The following SMARCA2 variants were observed in gnomAD, a reference collection of about 807,000 sequenced individuals.
SMARCA2 encodes the protein SWI/SNF-related matrix-associated actin-dependent regulator of chromatin subfamily A member 2.
SMARCA2 carries 61 observed loss-of-function variants against 199.8 expected under a neutral mutation model. The observed-to-expected ratio is 0.31, with a 90% CI of 0.25 to 0.38. The LOEUF (loss-of-function observed/expected upper bound fraction) is 0.38, where lower values mean the gene tolerates loss of function less well. Among genes scored for constraint, SMARCA2 ranks in the 10% least tolerant of loss-of-function variants. SMARCA2 has a pLI of 1.00. For missense variants in SMARCA2, 1,344 were observed against 2,012.2 expected (o/e 0.67, Z 6.35); for synonymous variants, 935 against 732.0 (o/e 1.28, Z -4.48).
At chr9:2,144,023 G>C (rs1334203566) in intron 27 of SMARCA2, among the ~76,000 whole-genome samples, 1 of 152,040 alleles carries the variant, frequency 6.6e-6, no homozygotes, top group Non-Finnish European at 1.5e-5. Context: ...CAATAACCTA[G>C]TGCAATACAG....
chr9:2,059,888 A>G (rs745596382), intron 8 of SMARCA2, among the ~76,000 whole-genome samples: 5 of 152,264 alleles, frequency 3.3e-5, no homozygotes, highest in Middle Eastern at 3.4e-3. Context: ...GTGGCATTAC[A>G]TGATAAAAAT....
In SMARCA2 at chr9:2,182,230, G is replaced by C; in HGVS notation, c.4449G>C (p.Leu1483=). 6.2e-7 allele frequency: 1 copy of C among 1,610,032 alleles called. No individual in the cohort carries two copies. The highest frequency in any genetic ancestry group is 8.5e-7 in the Non-Finnish European group (1 of 1,176,410). The change falls in exon 31 of 34, where the codon CTG becomes CTC. Residue 1483 remains leucine (L), a synonymous_variant. Transcript: ENST00000349721. ...LLCHNAQTFN[L]EGSQIYEDSI... Reference sequence around the variant, plus strand: ...GTCACAACGCTCAGACGTTCAACCTGGAGGGATCCCAGGTCTGTCTTGTTA... The same window carrying C: ...GTCACAACGCTCAGACGTTCAACCTCGAGGGATCCCAGGTCTGTCTTGTTA...
intron 8 of SMARCA2, among the ~76,000 whole-genome samples, chr9:2,059,223 G>A (rs190226953): frequency 4.8e-4 from 73 of 152,278 alleles, no homozygotes; most frequent in African/African-American, 1.7e-3. Context: ...TATCTAGGAC[G>A]TAATGCCTGC....
At chr9:2,162,369 C>G (rs1199476271) in intron 28 of SMARCA2, among the ~76,000 whole-genome samples, 1 of 152,140 alleles carries the variant, frequency 6.6e-6, no homozygotes, top group Non-Finnish European at 1.5e-5. Flanking sequence ...CCTTCCAACA[C>G]TTGAATTTCT....
chr9:2,029,615 T>C (rs1055680874), intron 2 of SMARCA2, among the ~76,000 whole-genome samples: 3 of 152,206 alleles, frequency 2.0e-5, no homozygotes, highest in African/African-American at 7.2e-5. Flanking sequence ...ATACTGAAAA[T>C]TATTCTTTCC....
intron 23 of SMARCA2, among the ~76,000 whole-genome samples, chr9:2,105,233 A>ATT (rs550498507): frequency 3.2e-4 from 47 of 147,276 alleles, no homozygotes; most frequent in African/African-American, 1.1e-3. Flanking sequence ...GACAAACTTG[A>ATT]TTTTTTTTTT....
In SMARCA2 at chr9:2,110,440, C is replaced by A. The variant is rs115209527; in HGVS notation, c.3456+23C>A. On this transcript the variant is annotated intron_variant, in intron 24 of 33. Coordinates refer to ENST00000349721, the MANE Select transcript of SMARCA2 (RefSeq NM_003070.5). The surrounding 1 kb of genome is among the most constrained non-coding windows in gnomAD (Gnocchi z 4.8). The stretch of plus-strand genomic sequence containing the variant: ...CAGGTCTGCATGTCCCACTCAGGTG[C>A]CCAGGCCTCCCTCTGGAGAGCAACT... The A allele has an allele frequency of 1.9e-6, 3 of 1,554,498 alleles. No individual in the cohort carries two copies. The highest frequency in any genetic ancestry group is 2.6e-6 in the Non-Finnish European group (3 of 1,151,976).
chr9:2,115,881 G>T lies in SMARCA2; in HGVS notation c.3516G>T (p.Leu1172=). The change falls in exon 25 of 34, where the codon CTG becomes CTT. Residue 1172 remains leucine, a synonymous_variant. Transcript: ENST00000349721. The surrounding 1 kb of genome is among the most constrained non-coding windows in gnomAD (Gnocchi z 6.0). ...GGCAGCAGAACGAGGTCCGGGTACT[G>T]AGGCTCTGTACCGTGAACAGCGTGG... The part of the protein sequence containing the change: ...RIGQQNEVRV[L]RLCTVNSVEE... The T allele has an allele frequency of 6.2e-7, 1 of 1,614,118 alleles. No homozygotes were observed. Among genetic ancestry groups the T allele is most frequent in the Non-Finnish European group, 8.5e-7 (1 of 1,180,010 alleles).
In SMARCA2 at chr9:2,157,861, A is replaced by G. The variant is rs1586767049; in HGVS notation, c.3982-3825A>G. 1.0e-5 allele frequency: 4 copies of G among 398,516 alleles called. 1 individual carries two copies. The highest frequency in any genetic ancestry group is 8.8e-6 in the Non-Finnish European group (2 of 226,056). 24.7% of individuals were successfully genotyped at this position (398,516 alleles called of 1,614,324 possible). On this transcript the variant is annotated intron_variant, in intron 27 of 33. Coordinates refer to ENST00000349721, the MANE Select transcript of SMARCA2 (RefSeq NM_003070.5). ...AAGGCGCCTGAGGCTGACTTTCTGGACCTGCCGTCACGCAGTAAAGATGTG... is the reference window on the plus strand; with the variant it reads ...AAGGCGCCTGAGGCTGACTTTCTGGGCCTGCCGTCACGCAGTAAAGATGTG...
At chr9:2,074,252 T>G (rs1465828710) in intron 12 of SMARCA2, among the ~76,000 whole-genome samples, 1 of 144,204 alleles carries the variant, frequency 6.9e-6, no homozygotes, top group Non-Finnish European at 1.5e-5. Context: ...TGAGAAATAA[T>G]AAAATATTTG....
At position 2,083,424 on chromosome 9, in the gene SMARCA2, C is replaced by T. The variant is rs1821654525; in HGVS notation, c.2415+11C>T. 6.3e-7 allele frequency: 1 copy of T among 1,575,924 alleles called. No individual in the cohort carries two copies. The highest frequency in any genetic ancestry group is 1.1e-5 in the South Asian group (1 of 87,638). On this transcript the variant is annotated intron_variant, in intron 16 of 33. Coordinates refer to ENST00000349721, the MANE Select transcript of SMARCA2 (RefSeq NM_003070.5). ...AAGATTTCTTACAAGGTTTGGAATG[C>T]TGTATTTATATATAAATGTGGAAAA...
chr9:2,031,549 A>G (rs563225927), intron 2 of SMARCA2, among the ~76,000 whole-genome samples: 51 of 152,274 alleles, frequency 3.3e-4, no homozygotes, highest in Middle Eastern at 6.8e-3. Context: ...GGTCAGTGTT[A>G]TGTTTTTCTC....
intron 9 of SMARCA2, among the ~76,000 whole-genome samples, chr9:2,063,793 G>C (rs2130376929): frequency 6.6e-6 from 1 of 151,700 alleles, no homozygotes; most frequent in South Asian, 2.1e-4. Flanking sequence ...TTCTTTGGGA[G>C]TTTATTGTGT....
At chr9:2,174,955 A>AAAT (rs1210301078) in intron 29 of SMARCA2, among the ~76,000 whole-genome samples, 1 of 137,826 alleles carries the variant, frequency 7.3e-6, no homozygotes, top group Non-Finnish European at 1.6e-5. Flanking sequence ...AAAAAAAAGG[A>AAAT]AATGGAGAGG....
chr9:2,020,673 A>G (rs968027526), intron 1 of SMARCA2, among the ~76,000 whole-genome samples: 9 of 152,216 alleles, frequency 5.9e-5, no homozygotes, highest in African/African-American at 2.2e-4. Flanking sequence ...CCATGTTAAT[A>G]TAGCACTTTT....
At chr9:2,187,806 C>CAGT (rs1827583107) in intron 32 of SMARCA2, among the ~76,000 whole-genome samples, 2 of 152,210 alleles carry the variant, frequency 1.3e-5, no homozygotes, top group African/African-American at 4.8e-5. Context: ...AAGCCGAGCC[C>CAGT]AGTGGCTCAT....
chr9:2,130,800 C>A (rs1353676599), intron 27 of SMARCA2, among the ~76,000 whole-genome samples: 1 of 152,066 alleles, frequency 6.6e-6, no homozygotes, highest in African/African-American at 2.4e-5. Context: ...CATATATTTG[C>A]TTCTTTATAT....
In SMARCA2 at chr9:2,088,011, C is replaced by G. The variant is rs531049906; in HGVS notation, c.2770-489C>G. Among the ~76,000 whole-genome samples, 23 of 152,310 alleles carry G rather than the reference C, an allele frequency of 1.5e-4. No individual in the cohort carries two copies. In the East Asian group the frequency reaches 2.9e-3, roughly 19 times the overall value. ...GAAGTTAGAGGGACTTAGAGGTCCA[C>G]CAGCATAAACTGGATCAACTCTTGT... On this transcript the variant is annotated intron_variant, in intron 18 of 33. Coordinates refer to ENST00000349721, the MANE Select transcript of SMARCA2 (RefSeq NM_003070.5).
intron 24 of SMARCA2, among the ~76,000 whole-genome samples, chr9:2,112,187 G>C (rs545504662): frequency 6.6e-6 from 1 of 152,172 alleles, no homozygotes; most frequent in Non-Finnish European, 1.5e-5. Flanking sequence ...GGTATCTAAG[G>C]GGGAGGAAGG....
Sources: allele counts gnomAD v4.1 joint callset (sites outside exome capture counted in the v4.1 genomes callset), GRCh38; gene constraint gnomAD v4.1.1; non-coding constraint Gnocchi (gnomAD v3.1); transcripts MANE v1.5; gene names NCBI Gene and HGNC (gene_info 2026-07-23, HGNC 2026-07-21).